The following PRMT8 variants were observed in gnomAD, a reference collection of about 807,000 sequenced individuals.
PRMT8 encodes the protein protein arginine N-methyltransferase 8.
PRMT8 carries 7 observed loss-of-function variants against 47.1 expected under a neutral mutation model. That is an observed-to-expected ratio of 0.15 (90% confidence interval 0.08 to 0.28). The LOEUF (loss-of-function observed/expected upper bound fraction) is 0.28, where lower values mean the gene tolerates loss of function less well. Among genes scored for constraint, PRMT8 ranks in the 10% least tolerant of loss-of-function variants. The pLI, the probability that PRMT8 is intolerant of heterozygous loss-of-function variation, is 1.00. For synonymous variants in PRMT8, 188 were observed against 186.5 expected (o/e 1.01, Z -0.07); for missense variants, 237 against 505.4 (o/e 0.47, Z 5.09).
At chr12:3,479,806 T>C (rs979801695) in intron 1 of PRMT8, among the ~76,000 whole-genome samples, 2 of 152,180 alleles carry the variant, frequency 1.3e-5, no homozygotes, top group African/African-American at 4.8e-5. Context: ...GAACCTGCTG[T>C]AGAGAGTTTT....
intron 1 of PRMT8, among the ~76,000 whole-genome samples, chr12:3,471,900 C>T (rs1865166411): frequency 6.6e-6 from 1 of 151,852 alleles, no homozygotes; most frequent in Non-Finnish European, 1.5e-5. Flanking sequence ...TCTCTGCTTA[C>T]ATTGATGGTA....
intron 2 of PRMT8, 70 bp downstream of exon 2, chr12:3,540,861 C>G (rs2137165047): frequency 6.7e-7 from 1 of 1,487,184 alleles, no homozygotes; most frequent in Non-Finnish European, 9.2e-7. Flanking sequence ...TCAGAGGCAG[C>G]ATAGTGTGTT....
chr12:3,458,312 T>C (rs1330257849), intron 1 of PRMT8, among the ~76,000 whole-genome samples: 1 of 150,162 alleles, frequency 6.7e-6, no homozygotes, highest in African/African-American at 2.5e-5. Flanking sequence ...CCAGGAGGGC[T>C]GCATATCACT....
intron 2 of PRMT8, among the ~76,000 whole-genome samples, chr12:3,544,665 C>T (rs1376770504): frequency 6.6e-6 from 1 of 152,132 alleles, no homozygotes; most frequent in Non-Finnish European, 1.5e-5. Flanking sequence ...TAAGATGTTC[C>T]CGTGATGAGG....
chr12:3,451,211 G>A (rs1017175038), intron 1 of PRMT8, among the ~76,000 whole-genome samples: 26 of 152,112 alleles, frequency 1.7e-4, no homozygotes, highest in Admixed American at 1.3e-4. Context: ...TGCCAAGGAA[G>A]TAGTCATGGA....
intron 1 of PRMT8, among the ~76,000 whole-genome samples, chr12:3,404,344 G>T (rs1864352141): frequency 6.6e-6 from 1 of 152,092 alleles, no homozygotes; most frequent in Non-Finnish European, 1.5e-5. Context: ...GATATACGTA[G>T]ATAAAATAAT....
At chr12:3,445,800 A>G (rs1044219969) in intron 1 of PRMT8, among the ~76,000 whole-genome samples, 2 of 152,242 alleles carry the variant, frequency 1.3e-5, no homozygotes, top group African/African-American at 4.8e-5. Context: ...TGCAAGGTGC[A>G]CATCTGTTGG....
intron 1 of PRMT8, among the ~76,000 whole-genome samples, chr12:3,450,515 T>C (rs1309042516): frequency 1.3e-5 from 2 of 152,254 alleles, no homozygotes; most frequent in East Asian, 1.9e-4. Flanking sequence ...GGTTGTATCA[T>C]TGGTCAAATT....
At chr12:3,410,133 C>A (rs1031333204) in intron 1 of PRMT8, among the ~76,000 whole-genome samples, 3 of 152,202 alleles carry the variant, frequency 2.0e-5, no homozygotes, top group Non-Finnish European at 4.4e-5. Context: ...CATAAAACTG[C>A]CAAAATTCTC....
rs570990603 is a variant in PRMT8 at position 3,479,370 on chromosome 12, G to A, written c.49-61236G>A. Among the ~76,000 whole-genome samples, 81 of 152,296 alleles carry A rather than the reference G, an allele frequency of 5.3e-4. 1 individual carries two copies. The highest frequency in any genetic ancestry group is 1.9e-3 in the African/African-American group (78 of 41,564). On this transcript the variant is annotated intron_variant, in intron 1 of 9. Coordinates refer to the PRMT8 transcript ENST00000452611. ...CATTGCCCCTTGGCTCTCCAGATAG[G>A]AAGGAGACTGGACACTGTGCCTAAC... is the stretch of plus-strand genomic sequence containing the variant.
At chr12:3,568,900 T>C (rs765611522) in intron 5 of PRMT8, 52 bp downstream of exon 5, 2 of 1,609,048 alleles carry the variant, frequency 1.2e-6, no homozygotes, top group Admixed American at 1.7e-5. Context: ...GTCCTGCTCC[T>C]CTACCCAAGG....
At chr12:3,429,159 C>T (rs1565405381) in intron 1 of PRMT8, among the ~76,000 whole-genome samples, 1 of 152,148 alleles carries the variant, frequency 6.6e-6, no homozygotes, top group Non-Finnish European at 1.5e-5. Flanking sequence ...AGGGGGATGT[C>T]TAAAACCAGC....
Position 3,569,613 on chromosome 12 carries a change from T to G in PRMT8, c.712+49T>G. 1 of 1,491,910 alleles carries G rather than the reference T, an allele frequency of 6.7e-7. No individual in the cohort carries two copies. Among genetic ancestry groups the G allele is most frequent in the Non-Finnish European group, 9.4e-7 (1 of 1,068,810 alleles). The allele number at this position is 1,491,910 out of a possible 1,614,324, so 92.4% of individuals were successfully genotyped here. ...GTGGACTTCCACTGCACAATTGGGG[T>G]GGGAGGCACTCCAGTGGGCCCGAGA... On this transcript the variant is annotated intron_variant, in intron 6 of 9. Transcript: ENST00000382622. The surrounding 1 kb of genome is among the most constrained non-coding windows in gnomAD (Gnocchi z 8.2).
intron 1 of PRMT8, among the ~76,000 whole-genome samples, chr12:3,537,315 G>A (rs1407415235): frequency 2.6e-5 from 4 of 152,188 alleles, no homozygotes; most frequent in African/African-American, 9.7e-5. Context: ...TATTTCACAT[G>A]TACTTGCCTC....
chr12:3,521,569 C>A (rs927466668), intron 1 of PRMT8, among the ~76,000 whole-genome samples: 1 of 151,798 alleles, frequency 6.6e-6, no homozygotes, highest in African/African-American at 2.4e-5. Flanking sequence ...AGCGAAACTC[C>A]GTCTCAAAAA....
intron 1 of PRMT8, among the ~76,000 whole-genome samples, chr12:3,403,276 A>T (rs1019293832): frequency 3.3e-5 from 5 of 152,148 alleles, no homozygotes; most frequent in African/African-American, 1.2e-4. Flanking sequence ...ATGAGAACAC[A>T]TGGACACATG....
At chr12:3,553,812 G>A in intron 4 of PRMT8, 98 bp downstream of exon 4, 1 of 1,165,258 alleles carries the variant, frequency 8.6e-7, no homozygotes, top group Non-Finnish European at 1.3e-6. Context: ...CAGAGCACTT[G>A]GACTTGGGGA....
intron 1 of PRMT8, among the ~76,000 whole-genome samples, chr12:3,396,681 A>G (rs1223757098): frequency 1.3e-5 from 2 of 151,044 alleles, no homozygotes; most frequent in Non-Finnish European, 3.0e-5. Flanking sequence ...GAATCTGACA[A>G]TTATGTGTCT....
chr12:3,507,367 C>A (rs549509696), intron 1 of PRMT8, among the ~76,000 whole-genome samples: 1 of 152,082 alleles, frequency 6.6e-6, no homozygotes, highest in East Asian at 1.9e-4. Context: ...GTGATCCGCC[C>A]GCCTCGGCCT....
Sources: allele counts gnomAD v4.1 joint callset (sites outside exome capture counted in the v4.1 genomes callset), GRCh38; gene constraint gnomAD v4.1.1; non-coding constraint Gnocchi (gnomAD v3.1); transcripts MANE v1.5; gene names NCBI Gene and HGNC (gene_info 2026-07-23, HGNC 2026-07-21).